The following CNTN5 variants were observed in gnomAD, a reference collection of about 807,000 sequenced individuals.
The protein encoded by CNTN5 is contactin 5.
A neutral mutation model predicts 129.1 loss-of-function variants in CNTN5; 77 were observed. That is an observed-to-expected ratio of 0.60 (90% CI 0.50 to 0.72). The LOEUF (loss-of-function observed/expected upper bound fraction) is 0.72. CNTN5 is among the 30% of genes least tolerant of loss of function. The probability of loss-of-function intolerance (pLI) is 0.00; values close to 1 mark genes in which losing one functional copy is unlikely to be tolerated. For missense variants in CNTN5, 1,478 were observed against 1,328.8 expected, an observed-to-expected ratio of 1.11 and a Z score of -1.75; for synonymous variants, 509 against 465.6, an observed-to-expected ratio of 1.09 and a Z score of -1.20.
At chr11:99,721,151 A>G (rs1158647447) in intron 3 of CNTN5, among the ~76,000 whole-genome samples, 1 of 152,168 alleles carries the variant, frequency 6.6e-6, no homozygotes, top group Non-Finnish European at 1.5e-5. Flanking sequence ...TAAAATTCAT[A>G]TGGAACCAAA....
At chr11:100,304,775 G>A (rs1384846199) in intron 20 of CNTN5, among the ~76,000 whole-genome samples, 2 of 151,118 alleles carry the variant, frequency 1.3e-5, no homozygotes, top group East Asian at 3.9e-4. Flanking sequence ...TTAAGCAGCT[G>A]TGGGATCTTG....
intron 9 of CNTN5, among the ~76,000 whole-genome samples, chr11:100,030,799 A>G (rs1941668162): frequency 6.6e-6 from 1 of 152,232 alleles, no homozygotes; most frequent in Admixed American, 6.5e-5. Flanking sequence ...TAAATGATAT[A>G]TCAGATAAAA....
At chr11:99,156,270 G>T (rs1860327272) in intron 1 of CNTN5, among the ~76,000 whole-genome samples, 1 of 151,896 alleles carries the variant, frequency 6.6e-6, no homozygotes. Flanking sequence ...TGCAGAAAAA[G>T]AAATATGGAT....
At chr11:99,310,813 A>G (rs1480299645) in intron 1 of CNTN5, among the ~76,000 whole-genome samples, 1 of 152,204 alleles carries the variant, frequency 6.6e-6, no homozygotes, top group Non-Finnish European at 1.5e-5. Flanking sequence ...AAATATCACA[A>G]TTCATATTTG....
At chr11:99,756,276 C>T (rs1944400684) in intron 3 of CNTN5, among the ~76,000 whole-genome samples, 1 of 152,054 alleles carries the variant, frequency 6.6e-6, no homozygotes, top group South Asian at 2.1e-4. Context: ...AAGTTACGAT[C>T]AATTATGGGT....
chr11:100,312,716 T>C (rs2138934973), intron 21 of CNTN5, among the ~76,000 whole-genome samples: 1 of 152,192 alleles, frequency 6.6e-6, no homozygotes, highest in Non-Finnish European at 1.5e-5. Flanking sequence ...ATGAGTCACT[T>C]TTCTAGCCAT....
chr11:99,096,071 A>G lies in CNTN5; in HGVS notation c.-210+74801A>G, dbSNP rs188864396. Reference sequence around the variant, plus strand: ...ACATAGATGTTTTAGTTGAATTAATATCTTGCAATAACTTCAGTGGAAATG... The same window carrying G: ...ACATAGATGTTTTAGTTGAATTAATGTCTTGCAATAACTTCAGTGGAAATG... On this transcript the variant is annotated intron_variant, in intron 1 of 24. Transcript: ENST00000524871. Among the ~76,000 whole-genome samples, 29 of 152,076 alleles carry G rather than the reference A, an allele frequency of 1.9e-4. 1 individual carries two copies. The highest frequency in any genetic ancestry group is 3.4e-3 in the Middle Eastern group (1 of 294).
intron 3 of CNTN5, among the ~76,000 whole-genome samples, chr11:99,675,103 A>G (rs1441239283): frequency 2.0e-5 from 3 of 152,112 alleles, no homozygotes; most frequent in African/African-American, 4.8e-5. Flanking sequence ...AAATCACTCT[A>G]TTGTTCATCC....
At chr11:99,961,994 A>G (rs543208895) in intron 8 of CNTN5, among the ~76,000 whole-genome samples, 3 of 152,322 alleles carry the variant, frequency 2.0e-5, no homozygotes, top group South Asian at 2.1e-4. Context: ...AGTTATATAT[A>G]CATATACACA....
At chr11:100,043,401 A>G (rs1253355336) in intron 9 of CNTN5, among the ~76,000 whole-genome samples, 1 of 152,322 alleles carries the variant, frequency 6.6e-6, no homozygotes, top group Admixed American at 6.5e-5. Context: ...AAATAATTTT[A>G]TATTCCAAAG....
chr11:99,887,818 C>T (rs556271589), intron 6 of CNTN5, among the ~76,000 whole-genome samples: 22 of 152,256 alleles, frequency 1.4e-4, no homozygotes, highest in African/African-American at 2.2e-4. Context: ...CAGCTTCTTC[C>T]GCCTACTTCA....
intron 1 of CNTN5, among the ~76,000 whole-genome samples, chr11:99,247,725 C>T (rs1330739163): frequency 6.6e-6 from 1 of 151,756 alleles, no homozygotes. Flanking sequence ...GGTTTTTTGT[C>T]CTTGTGATAG....
chr11:100,236,004 A>G (rs928777136), intron 16 of CNTN5, among the ~76,000 whole-genome samples: 14 of 152,148 alleles, frequency 9.2e-5, no homozygotes, highest in Non-Finnish European at 1.5e-4. Context: ...GCCTGACTCT[A>G]GTGGCCAGAG....
At chr11:99,596,846 A>C (rs1278496235) in intron 3 of CNTN5, among the ~76,000 whole-genome samples, 1 of 152,168 alleles carries the variant, frequency 6.6e-6, no homozygotes, top group Non-Finnish European at 1.5e-5. Context: ...GACAATAATA[A>C]TCGCAATAAA....
intron 9 of CNTN5, among the ~76,000 whole-genome samples, chr11:100,020,943 A>G (rs191447895): frequency 6.6e-6 from 1 of 152,194 alleles, no homozygotes; most frequent in East Asian, 1.9e-4. Flanking sequence ...ATAGAAAGAT[A>G]CCCTCTGTTC....
chr11:99,805,194 A>G (rs958276894), intron 3 of CNTN5, among the ~76,000 whole-genome samples: 2 of 152,188 alleles, frequency 1.3e-5, no homozygotes, highest in African/African-American at 4.8e-5. Flanking sequence ...ATTGTGGAGT[A>G]TAGACTGGAA....
intron 6 of CNTN5, among the ~76,000 whole-genome samples, chr11:99,848,943 T>C (rs951853971): frequency 6.6e-6 from 1 of 152,182 alleles, no homozygotes; most frequent in Non-Finnish European, 1.5e-5. Context: ...ATTATTGTTA[T>C]ATCAATGATA....
At chr11:99,165,128 A>G (rs1860811265) in intron 1 of CNTN5, among the ~76,000 whole-genome samples, 1 of 152,136 alleles carries the variant, frequency 6.6e-6, no homozygotes, top group African/African-American at 2.4e-5. Context: ...TTTATTGCAA[A>G]TGAGCGTTTA....
At chr11:99,179,904 C>A (rs77341173) in intron 1 of CNTN5, among the ~76,000 whole-genome samples, 1 of 152,148 alleles carries the variant, frequency 6.6e-6, no homozygotes, top group Non-Finnish European at 1.5e-5. Context: ...AAAAGTCAAC[C>A]ACTATTTTTA....
Sources: allele counts gnomAD v4.1 joint callset (sites outside exome capture counted in the v4.1 genomes callset), GRCh38; gene constraint gnomAD v4.1.1; transcripts MANE v1.5; gene names NCBI Gene and HGNC (gene_info 2026-07-23, HGNC 2026-07-21).